The following MAGI1 variants were observed in gnomAD, a reference collection of about 807,000 sequenced individuals.
MAGI1 encodes the protein membrane-associated guanylate kinase, WW and PDZ domain-containing protein 1.
In MAGI1, 58 loss-of-function variants were observed where a neutral mutation model predicts 139.9. That is an observed-to-expected ratio of 0.41 (90% CI 0.34 to 0.52). MAGI1 has a LOEUF of 0.52. MAGI1 is among the 20% of genes least tolerant of loss of function. The pLI is 0.12. For missense variants in MAGI1, 1,874 were observed against 1,901.6 expected (o/e 0.99, Z 0.27); for synonymous variants, 812 against 737.9 (o/e 1.10, Z -1.63).
At chr3:65,516,399 C>G (rs1046725406) in intron 2 of MAGI1, among the ~76,000 whole-genome samples, 1 of 152,046 alleles carries the variant, frequency 6.6e-6, no homozygotes, top group Non-Finnish European at 1.5e-5. Flanking sequence ...AGGATGGTCT[C>G]GATCTCTTGA....
At chr3:65,931,354 C>T (rs13071979) in intron 1 of MAGI1, among the ~76,000 whole-genome samples, 1 of 152,002 alleles carries the variant, frequency 6.6e-6, no homozygotes. Flanking sequence ...TCTTAATAAA[C>T]ATCCTTTCAC....
chr3:65,448,682 TTG>T (rs1227981233), intron 6 of MAGI1, among the ~76,000 whole-genome samples: 19 of 120,468 alleles, frequency 1.6e-4, no homozygotes, highest in Non-Finnish European at 2.9e-4. Context: ...TTAACTGGTT[TTG>T]TGAGAAAACA....
intron 2 of MAGI1, 131 bp from the exon 3 acceptor site, chr3:65,493,762 GA>G (rs1952224374): frequency 9.7e-7 from 1 of 1,025,930 alleles, no homozygotes; most frequent in African/African-American, 1.6e-5. Flanking sequence ...CATCTGTCCA[GA>G]CAGGGACACA....
chr3:65,948,720 C>T (rs777195493), intron 1 of MAGI1, among the ~76,000 whole-genome samples: 1 of 152,196 alleles, frequency 6.6e-6, no homozygotes, highest in South Asian at 2.1e-4. Context: ...CAAATGAGTA[C>T]ATCTATCTTT....
intron 2 of MAGI1, among the ~76,000 whole-genome samples, chr3:65,610,638 A>C (rs2082999669): frequency 6.6e-6 from 1 of 150,872 alleles, no homozygotes; most frequent in South Asian, 2.1e-4. Context: ...AAGAATACAG[A>C]AACTGCAACT....
chr3:65,379,609 G>A (rs1942871589), intron 16 of MAGI1, 55 bp from the exon 17 acceptor site: 15 of 1,557,708 alleles, frequency 9.6e-6, no homozygotes, highest in Non-Finnish European at 1.3e-5. Flanking sequence ...CCTCCATCCT[G>A]CTGCCCCTCC....
In MAGI1 at chr3:65,437,241, G is replaced by T; in HGVS notation, c.1277C>A (p.Thr426Lys). Residue 426 changes from threonine to lysine, a missense_variant, in exon 10 of 23, where the codon ACA becomes AAA. Physicochemically the swap from Thr to Lys is moderately conservative, Grantham distance 78 (BLOSUM62 -1). This residue lies in a region of MAGI1 where 648 missense variants were observed against 598.1 expected (regional missense o/e 1.08). Coordinates refer to ENST00000402939, the MANE Select transcript of MAGI1 (RefSeq NM_001033057.2). ...QQQQQQTEEW[T>K]EDHSALVPPV... is the part of the protein sequence containing the mutation. ...AGGCACAAGGGCTGAGTGATCTTCT[G>T]TCCATTCTATGAAAAAGAAAAGAAA... is the stretch of plus-strand genomic sequence containing the variant. The T allele has an allele frequency of 6.2e-7, 1 of 1,603,988 alleles. No individual in the cohort carries two copies. Among genetic ancestry groups the T allele is most frequent in the Admixed American group, 1.7e-5 (1 of 59,700 alleles).
At chr3:65,902,585 G>C (rs571739265) in intron 1 of MAGI1, 3 of 152,804 alleles carry the variant, frequency 2.0e-5, no homozygotes, top group Admixed American at 2.0e-4. Flanking sequence ...GACAGAGCTT[G>C]AGCTCTCTTA....
At chr3:65,565,159 T>G (rs1185314339) in intron 2 of MAGI1, among the ~76,000 whole-genome samples, 5 of 152,210 alleles carry the variant, frequency 3.3e-5, no homozygotes, top group Non-Finnish European at 5.9e-5. Context: ...ACATCTCTAG[T>G]GACAGCTGAG....
At chr3:65,674,339 C>G (rs1480348516) in intron 1 of MAGI1, among the ~76,000 whole-genome samples, 1 of 152,182 alleles carries the variant, frequency 6.6e-6, no homozygotes, top group African/African-American at 2.4e-5. Context: ...CTTGCCAAAG[C>G]TGAAGAATTC....
chr3:65,496,413 A>G (rs2107681206), intron 2 of MAGI1, among the ~76,000 whole-genome samples: 1 of 152,236 alleles, frequency 6.6e-6, no homozygotes, highest in East Asian at 1.9e-4. Flanking sequence ...GAGGTGGGCA[A>G]GAATAGAAGC....
Position 65,470,471 on chromosome 3 carries a change from T to C in MAGI1, c.771A>G (p.Glu257=), listed in dbSNP as rs757343709. The change falls in exon 5 of 23, where the codon GAA becomes GAG. Residue 257 remains glutamate (E), a synonymous_variant. Transcript: ENST00000402939. The part of the protein sequence containing the change: ...MNSSFTADSG[E]QEEHTLQETA... ...TTTCTTGGAGAGTGTGCTCCTCTTG[T>C]TCACCAGAATCGGCTGCTTAATCAT... 6.2e-7 allele frequency: 1 copy of C among 1,612,892 alleles called. No individual in the cohort carries two copies. The highest frequency in any genetic ancestry group is 8.5e-7 in the Non-Finnish European group (1 of 1,179,448).
chr3:65,932,993 T>A (rs2062873266), intron 1 of MAGI1, among the ~76,000 whole-genome samples: 1 of 152,252 alleles, frequency 6.6e-6, no homozygotes, highest in Non-Finnish European at 1.5e-5. Context: ...GAGAATACCA[T>A]CTGCCTCTAG....
intron 3 of MAGI1, among the ~76,000 whole-genome samples, chr3:65,481,091 C>T (rs866884932): frequency 6.6e-6 from 1 of 152,058 alleles, no homozygotes; most frequent in Admixed American, 6.6e-5. Context: ...CAGGTAGAAA[C>T]CTGATACGCA....
intron 2 of MAGI1, among the ~76,000 whole-genome samples, chr3:65,509,145 G>C (rs1324665206): frequency 6.7e-6 from 1 of 148,396 alleles, no homozygotes; most frequent in East Asian, 2.0e-4. Context: ...TTTAATTGAA[G>C]CTATTGCCTT....
At chr3:65,880,912 T>TGTGTG (rs2060301156) in intron 1 of MAGI1, among the ~76,000 whole-genome samples, 1 of 151,318 alleles carries the variant, frequency 6.6e-6, no homozygotes, top group Non-Finnish European at 1.5e-5. Flanking sequence ...CTCTGGCGTG[T>TGTGTG]GTGTGTGTGT....
intron 1 of MAGI1, among the ~76,000 whole-genome samples, chr3:65,645,568 A>G (rs998858314): frequency 1.3e-5 from 2 of 152,202 alleles, no homozygotes; most frequent in African/African-American, 4.8e-5. Context: ...ATGTGGTTAT[A>G]AAAGTAAGAA....
At chr3:65,375,967 A>AT (rs1284104513) in intron 17 of MAGI1, 22 bp from the exon 18 acceptor site, 2 of 1,595,552 alleles carry the variant, frequency 1.3e-6, no homozygotes, top group Non-Finnish European at 1.7e-6. Flanking sequence ...TTGAGTTTTA[A>AT]TTTTTTTAAA....
intron 14 of MAGI1, among the ~76,000 whole-genome samples, chr3:65,384,838 G>T (rs1370105089): frequency 6.6e-6 from 1 of 151,862 alleles, no homozygotes; most frequent in Non-Finnish European, 1.5e-5. Context: ...ATTTTCTAGG[G>T]ATTTAAGCAT....
Sources: allele counts gnomAD v4.1 joint callset (sites outside exome capture counted in the v4.1 genomes callset), GRCh38; gene constraint gnomAD v4.1.1; regional missense constraint gnomAD v4.1.1; transcripts MANE v1.5; gene names NCBI Gene and HGNC (gene_info 2026-07-23, HGNC 2026-07-21).